The following RPS4X variants were observed in gnomAD, a reference collection of about 807,000 sequenced individuals.
RPS4X encodes small ribosomal subunit protein eS4, X isoform.
For synonymous variants in RPS4X, 76 were observed against 76.8 expected, an observed-to-expected ratio of 0.99 and a Z score of 0.06; for missense variants, 90 against 219.1, an observed-to-expected ratio of 0.41 and a Z score of 3.72.
At chrX:72,277,144 G>C (rs375404976) in intron 1 of RPS4X, 49 bp downstream of exon 1, 16 of 1,203,837 alleles carry the variant, frequency 1.3e-5, no homozygotes, top group Non-Finnish European at 1.8e-5. Flanking sequence ...CCGGCCGGGG[G>C]AGGATGGAGG....
At position 72,273,220 on chromosome X, in the gene RPS4X, A is replaced by T. The variant is rs1256287629; in HGVS notation, c.690+12T>A. 1.7e-6 allele frequency: 2 copies of T among 1,197,326 alleles called. No homozygotes were observed. Among genetic ancestry groups the T allele is most frequent in the Non-Finnish European group, 2.3e-6 (2 of 888,197 alleles). ...TTTCCTCAGACTAGAGAGAAGGAAA[A>T]CCCAGACTTACCTTGCCAATAACAA... On this transcript the variant is annotated intron_variant, in intron 6 of 6. Transcript: ENST00000316084.
intron 4 of RPS4X, 190 bp downstream of exon 4, chrX:72,274,861 CAG>C (rs778260807): frequency 3.5e-5 from 14 of 402,032 alleles, no homozygotes; most frequent in Non-Finnish European, 5.8e-5. Flanking sequence ...AGCTATCAGC[CAG>C]ACTTTTAATA....
chrX:72,275,493 A>AT, intron 3 of RPS4X, 51 bp downstream of exon 3: 2 of 971,682 alleles, frequency 2.1e-6, no homozygotes, highest in Non-Finnish European at 2.9e-6. Flanking sequence ...GTATTTGGAT[A>AT]CCATAGGGCT....
In RPS4X at chrX:72,272,589, C is replaced by A. The variant is rs1602468436; in HGVS notation, c.*82G>T. The A allele has an allele frequency of 1.5e-6, 1 of 652,457 alleles. No homozygotes were observed. The allele number at this position is 652,457 out of a possible 1,213,427, so 53.8% of individuals were successfully genotyped here. A position where few individuals can be genotyped will look rare whatever the true frequency, so the allele number is the denominator to read the frequency against. The stretch of plus-strand genomic sequence containing the variant: ...AAACTGAATTAAAAAAAAAAACAAC[C>A]CACAAAACCAAAATGCTATTAATCC... On this transcript the variant is annotated 3_prime_UTR_variant, in exon 7 of 7. Coordinates refer to ENST00000316084, the MANE Select transcript of RPS4X (RefSeq NM_001007.5).
At chrX:72,274,733 A>G (rs2043195069) in intron 4 of RPS4X, 4 of 241,932 alleles carry the variant, frequency 1.7e-5, no homozygotes, top group Middle Eastern at 1.4e-3. Context: ...CTTGACTCTT[A>G]AGAGACACCA....
rs1250045113 is a variant in RPS4X, at chrX:72,272,583, AACAACCCACAAAACC to A, written c.*73_*87del. Reference sequence around the variant, plus strand: ...AGCAGGAAACTGAATTAAAAAAAAAAACAACCCACAAAACCAAAATGCTATTAATCCTGCCACAAT... The same window carrying A: ...AGCAGGAAACTGAATTAAAAAAAAAAAAAATGCTATTAATCCTGCCACAAT... On this transcript the variant is annotated 3_prime_UTR_variant, in exon 7 of 7. Transcript: ENST00000316084. 3 of 584,811 alleles carry A rather than the reference AACAACCCACAAAACC, an allele frequency of 5.1e-6. No homozygotes were observed. The highest frequency in any genetic ancestry group is 3.5e-5 in the Admixed American group (1 of 28,295). 48.2% of individuals were successfully genotyped at this position (584,811 alleles called of 1,213,427 possible).
In RPS4X at chrX:72,276,740, T is replaced by G. The variant is rs1031720127; in HGVS notation, c.3+453A>C. 3.6e-5 allele frequency among the ~76,000 whole-genome samples: 4 copies of G among 112,613 alleles called. No homozygotes were observed. The Admixed American group carries it at 3.7e-4, about 11-fold the overall frequency. ...TAAAGCCAAAAGCTGACACCAATTT[T>G]ACTTTAAAAAGAGTAAGGAAGCCTT... On this transcript the variant is annotated intron_variant, in intron 1 of 6. Coordinates refer to ENST00000316084, the MANE Select transcript of RPS4X (RefSeq NM_001007.5).
intron 4 of RPS4X, chrX:72,274,461 CATCA>C (rs2043193739): frequency 2.9e-6 from 1 of 341,844 alleles, no homozygotes; most frequent in African/African-American, 2.6e-5. Flanking sequence ...TTAGGAGCCA[CATCA>C]GTCAATTAAA....
chrX:72,275,017 T>C (rs2043196480), intron 4 of RPS4X, 36 bp downstream of exon 4: 2 of 964,335 alleles, frequency 2.1e-6, no homozygotes, highest in Non-Finnish European at 3.0e-6. Context: ...AAAGTAACTA[T>C]ACTGAGTAAA....
Position 72,272,309 on chromosome X carries a change from C to G in RPS4X, c.*362G>C. 1 of 137,826 alleles carries G rather than the reference C, an allele frequency of 7.3e-6. No individual in the cohort carries two copies. Among genetic ancestry groups the G allele is most frequent in the Non-Finnish European group, 1.4e-5 (1 of 70,510 alleles). The allele number at this position is 137,826 out of a possible 1,213,427, so 11.4% of individuals were successfully genotyped here. The stretch of plus-strand genomic sequence containing the variant: ...TACAGACTGGAGAAGAAAATGAGGG[C>G]AGATTTTTAGAAAGCCAAGGGAACT... On this transcript the variant is annotated 3_prime_UTR_variant, in exon 7 of 7. Transcript: ENST00000316084.
chrX:72,276,087 T>C, intron 2 of RPS4X, 70 bp downstream of exon 2: 1 of 876,863 alleles, frequency 1.1e-6, no homozygotes, highest in Admixed American at 2.4e-5. Context: ...TCCCCTAGCC[T>C]GGTCCCCAAA....
chrX:72,275,316 C>CA (rs1380385451), intron 3 of RPS4X, among the ~76,000 whole-genome samples, 166 bp from the exon 4 acceptor site: 1 of 112,017 alleles, frequency 8.9e-6, no homozygotes, highest in Non-Finnish European at 1.9e-5. Flanking sequence ...TTCAATATTT[C>CA]AAAACCCCAT....
At chrX:72,274,008 T>A (rs754508000) in intron 4 of RPS4X, 36 bp from the exon 5 acceptor site, 10 of 1,157,548 alleles carry the variant, frequency 8.6e-6, no homozygotes, top group African/African-American at 1.8e-5. Flanking sequence ...ATTCAATCCA[T>A]CTCACATGTA....
chrX:72,275,730 A>T lies in RPS4X; in HGVS notation c.82-6T>A. ...CCGGTGGATGGACGAGGAGCCTGTAACGTTAAAAATGATAATCACTGTTGG... is the reference window on the plus strand; with the variant it reads ...CCGGTGGATGGACGAGGAGCCTGTATCGTTAAAAATGATAATCACTGTTGG... On this transcript the variant is annotated splice_polypyrimidine_tract_variant and splice_region_variant and intron_variant, in intron 2 of 6. Coordinates refer to ENST00000316084, the MANE Select transcript of RPS4X (RefSeq NM_001007.5). 1 of 1,181,309 alleles carries T rather than the reference A, an allele frequency of 8.5e-7. No homozygotes were observed. Among genetic ancestry groups the T allele is most frequent in the East Asian group, 3.1e-5 (1 of 32,452 alleles).
chrX:72,276,341 C>T, intron 1 of RPS4X, 107 bp from the exon 2 acceptor site: 1 of 546,162 alleles, frequency 1.8e-6, no homozygotes, highest in Non-Finnish European at 3.0e-6. Context: ...AAAATGTGGA[C>T]AATATTAAAG....
chrX:72,275,248 T>A (rs1485728412), intron 3 of RPS4X, 98 bp from the exon 4 acceptor site: 2 of 538,068 alleles, frequency 3.7e-6, no homozygotes, highest in Admixed American at 3.4e-5. Flanking sequence ...AGAACCCCCA[T>A]GTGCCTCCCA....
rs770441448 is a variant in RPS4X, at chrX:72,277,182, A to C, written c.3+11T>G. 1 of 1,210,879 alleles carries C rather than the reference A, an allele frequency of 8.3e-7. No homozygotes were observed. Among genetic ancestry groups the C allele is most frequent in the Non-Finnish European group, 1.1e-6 (1 of 894,793 alleles). On this transcript the variant is annotated intron_variant, in intron 1 of 6. Transcript: ENST00000316084. Reference sequence around the variant, plus strand: ...GATACGTCCTAAGAGCTCGCTAACTAAACGGCTTACCATGGCTGCGTTAGG... The same window carrying C: ...GATACGTCCTAAGAGCTCGCTAACTCAACGGCTTACCATGGCTGCGTTAGG...
At chrX:72,277,112 A>C in intron 1 of RPS4X, 81 bp downstream of exon 1, 3 of 1,121,059 alleles carry the variant, frequency 2.7e-6, no homozygotes, top group Non-Finnish European at 3.7e-6. Context: ...CCCCAGTAGG[A>C]ATCCCGAAAC....
At chrX:72,273,520 T>TAGGACTCCC in intron 5 of RPS4X, 131 bp from the exon 6 acceptor site, 1 of 712,799 alleles carries the variant, frequency 1.4e-6, no homozygotes, top group Admixed American at 4.0e-5. Flanking sequence ...CTGCCTATGC[T>TAGGACTCCC]AGGACTCCCG....
Sources: allele counts gnomAD v4.1 joint callset (sites outside exome capture counted in the v4.1 genomes callset), GRCh38; gene constraint gnomAD v4.1.1; transcripts MANE v1.5; gene names NCBI Gene and HGNC (gene_info 2026-07-23, HGNC 2026-07-21).